Variants in CCDC122 observed in about 807,000 individuals in gnomAD.
CCDC122 encodes the protein coiled-coil domain-containing protein 122.
In CCDC122, 38 loss-of-function variants were observed where a neutral mutation model predicts 37.0. The observed-to-expected ratio is 1.03, with a 90% CI of 0.79 to 1.35. The LOEUF (loss-of-function observed/expected upper bound fraction) is 1.35, where lower values mean the gene tolerates loss of function less well. Among genes scored for constraint, CCDC122 ranks in the 40% most tolerant of loss-of-function variants. The pLI is 0.00. For missense variants in CCDC122, 305 were observed against 310.0 expected (o/e 0.98, Z 0.12); for synonymous variants, 83 against 95.6 (o/e 0.87, Z 0.77).
chr13:43,820,385 T>C (rs1219705616), downstream of CCDC122, among the ~76,000 whole-genome samples: 2 of 152,150 alleles, frequency 1.3e-5, no homozygotes, highest in Admixed American at 6.5e-5. Context: ...GCGGGGAATA[T>C]AGATGGTAAG....
chr13:43,851,441 C>A (rs1953723920), intron 6 of CCDC122, among the ~76,000 whole-genome samples: 1 of 152,156 alleles, frequency 6.6e-6, no homozygotes, highest in Non-Finnish European at 1.5e-5. Context: ...AGATCTGTGC[C>A]TGCCAGCACC....
intron 2 of CCDC122, 161 bp downstream of exon 2, chr13:43,874,681 A>G (rs1445044916): frequency 6.6e-6 from 1 of 152,216 alleles, no homozygotes; most frequent in East Asian, 1.9e-4. Flanking sequence ...AGAAAAATGA[A>G]AACAAACTAC....
intron 4 of CCDC122, among the ~76,000 whole-genome samples, chr13:43,867,506 CTTTT>C (rs1324663370): frequency 6.6e-6 from 1 of 152,094 alleles, no homozygotes; most frequent in African/African-American, 2.4e-5. Flanking sequence ...AACATCATTT[CTTTT>C]GTGATCACTC....
intron 4 of CCDC122, among the ~76,000 whole-genome samples, chr13:43,861,877 C>G (rs1245687469): frequency 1.3e-5 from 2 of 152,148 alleles, no homozygotes; most frequent in African/African-American, 4.8e-5. Context: ...CACTTTCCAC[C>G]TGGATACTCA....
At chr13:43,820,789 G>A (rs1484160091), downstream of CCDC122, among the ~76,000 whole-genome samples, 1 of 152,172 alleles carries the variant, frequency 6.6e-6, no homozygotes, top group African/African-American at 2.4e-5. Context: ...TCTCTAAAAT[G>A]AGAATATTTG....
At chr13:43,834,712 C>T (rs1218249064), downstream of CCDC122, among the ~76,000 whole-genome samples, 1 of 152,180 alleles carries the variant, frequency 6.6e-6, no homozygotes, top group Non-Finnish European at 1.5e-5. Context: ...TGAAAAAATG[C>T]TCATCATCAC....
chr13:43,849,949 C>T (rs1265694466), intron 6 of CCDC122, among the ~76,000 whole-genome samples: 3 of 152,170 alleles, frequency 2.0e-5, no homozygotes, highest in African/African-American at 7.2e-5. Flanking sequence ...GACTTCTCCG[C>T]CCATCAAGGT....
downstream of CCDC122, among the ~76,000 whole-genome samples, chr13:43,833,405 T>C (rs1953109033): frequency 1.3e-5 from 2 of 152,236 alleles, no homozygotes; most frequent in South Asian, 4.1e-4. Flanking sequence ...AACAGTATTC[T>C]TGAAATTATA....
chr13:43,824,586 C>T (rs1392224188), intron 3 of CCDC122, among the ~76,000 whole-genome samples: 1 of 152,136 alleles, frequency 6.6e-6, no homozygotes, highest in Non-Finnish European at 1.5e-5. Context: ...ACCTTCTGCA[C>T]AGCAAAAGAA....
At chr13:43,852,419 T>G (rs1953769937) in intron 6 of CCDC122, among the ~76,000 whole-genome samples, 1 of 151,120 alleles carries the variant, frequency 6.6e-6, no homozygotes, top group Non-Finnish European at 1.5e-5. Context: ...AATAAGACAG[T>G]CAGACAAGAA....
rs199611514 is a variant in CCDC122, at chr13:43,858,662, GTTCT to G, written c.672+115_672+118del. 7.2e-4 allele frequency: 492 copies of G among 680,624 alleles called. 2 individuals carry two copies. In the East Asian group the frequency reaches 0.022, roughly 31 times the overall value. The allele number at this position is 680,624 out of a possible 1,614,324, so 42.2% of individuals were successfully genotyped here. On this transcript the variant is annotated intron_variant, in intron 6 of 6. Coordinates refer to ENST00000444614, the MANE Select transcript of CCDC122 (RefSeq NM_144974.5). ...TGATTTGTATTTACTAAATTTTATA[GTTCT>G]TTCTTGTTCTTCAACTGTTTTGAGT...
At chr13:43,863,228 C>G (rs1264365022) in intron 4 of CCDC122, among the ~76,000 whole-genome samples, 2 of 152,054 alleles carry the variant, frequency 1.3e-5, no homozygotes, top group Non-Finnish European at 2.9e-5. Flanking sequence ...CCTTCCTTCT[C>G]TAAAGATTAG....
At position 43,858,903 on chromosome 13, in the gene CCDC122, T is replaced by C. The variant is rs887484492; in HGVS notation, c.556-6A>G. The C allele has an allele frequency of 7.2e-7, 1 of 1,387,526 alleles. No individual in the cohort carries two copies. The highest frequency in any genetic ancestry group is 2.6e-5 in the Admixed American group (1 of 38,352). 86.0% of individuals were successfully genotyped at this position (1,387,526 alleles called of 1,614,324 possible). ...TTTAAGTTTGTAATGTCTTCCTGTA[T>C]GTTGACAACATTTGAAATATAGAAG... On this transcript the variant is annotated splice_region_variant and splice_polypyrimidine_tract_variant and intron_variant, in intron 5 of 6. Coordinates refer to ENST00000444614, the MANE Select transcript of CCDC122 (RefSeq NM_144974.5).
exon 4 of CCDC122, chr13:43,823,930 G>A (rs192712066): frequency 6.6e-6 from 1 of 152,416 alleles, no homozygotes; most frequent in Non-Finnish European, 1.5e-5. Context: ...TGTGATGATG[G>A]TGCTCTTGAG....
intron 6 of CCDC122, among the ~76,000 whole-genome samples, chr13:43,857,655 C>T (rs977743512): frequency 1.3e-5 from 2 of 152,014 alleles, no homozygotes; most frequent in Non-Finnish European, 2.9e-5. Context: ...GTAATCCCAG[C>T]ACTTTGGGAG....
chr13:43,860,420 A>G (rs1345419948), intron 4 of CCDC122, among the ~76,000 whole-genome samples: 1 of 152,180 alleles, frequency 6.6e-6, no homozygotes, highest in East Asian at 1.9e-4. Flanking sequence ...AAAATGATAA[A>G]GCCCTGAGTT....
intron 6 of CCDC122, among the ~76,000 whole-genome samples, chr13:43,845,042 TTTC>T (rs1167548798): frequency 6.6e-6 from 1 of 152,158 alleles, no homozygotes; most frequent in Non-Finnish European, 1.5e-5. Flanking sequence ...GTCCTTTTAC[TTTC>T]TTCTTCATTT....
At chr13:43,842,023 T>C (rs749568991) in intron 6 of CCDC122, among the ~76,000 whole-genome samples, 1 of 152,220 alleles carries the variant, frequency 6.6e-6, no homozygotes, top group Non-Finnish European at 1.5e-5. Flanking sequence ...ATTTTCTTAA[T>C]GGTGTCTTTC....
intron 3 of CCDC122, among the ~76,000 whole-genome samples, chr13:43,826,531 C>T (rs988232757): frequency 6.6e-6 from 1 of 152,090 alleles, no homozygotes; most frequent in Non-Finnish European, 1.5e-5. Flanking sequence ...TGGGAAACAT[C>T]TTAATGAAAG....
Sources: gnomAD v4.1 joint callset for allele counts (sites outside exome capture counted in the v4.1 genomes callset) on GRCh38, gnomAD v4.1.1 for gene constraint, MANE v1.5 for transcripts, NCBI Gene and HGNC (gene_info 2026-07-23, HGNC 2026-07-21) for gene names.